NEDD4L: variants seen among roughly 807,000 people sequenced by gnomAD.
NEDD4L encodes the protein NEDD4 like E3 ubiquitin protein ligase, also known as E3 ubiquitin-protein ligase NEDD4-like.
NEDD4L carries 54 observed loss-of-function variants against 148.9 expected under a neutral mutation model. That is an observed-to-expected ratio of 0.36 (90% CI 0.29 to 0.45). The LOEUF (loss-of-function observed/expected upper bound fraction) is 0.45. Among genes scored for constraint, NEDD4L ranks in the 20% least tolerant of loss-of-function variants. NEDD4L has a pLI of 1.00. For synonymous variants in NEDD4L, 433 were observed against 440.7 expected (o/e 0.98, Z 0.22); for missense variants, 856 against 1,233.8 (o/e 0.69, Z 4.59).
chr18:58,338,549 C>G (rs1030485177), intron 13 of NEDD4L, among the ~76,000 whole-genome samples: 6 of 152,192 alleles, frequency 3.9e-5, no homozygotes, highest in Admixed American at 1.3e-4. Context: ...GCATTTTAAT[C>G]AAATTCAGCG....
chr18:58,225,587 C>G (rs1056444298), intron 2 of NEDD4L, among the ~76,000 whole-genome samples: 3 of 152,190 alleles, frequency 2.0e-5, no homozygotes, highest in African/African-American at 7.2e-5. Flanking sequence ...GCAAATGCAC[C>G]AGTTAGAGTC....
intron 5 of NEDD4L, among the ~76,000 whole-genome samples, chr18:58,271,531 A>G (rs142055795): frequency 6.6e-6 from 1 of 152,336 alleles, no homozygotes; most frequent in Non-Finnish European, 1.5e-5. Flanking sequence ...CAGTTGTTAT[A>G]ATTTAAAAGT....
rs576033983 is a variant in NEDD4L at position 58,190,971 on chromosome 18, C to T, written c.122+25110C>T. Among the ~76,000 whole-genome samples the T allele has an allele frequency of 2.7e-4, 41 of 152,148 alleles. 2 individuals are homozygous for T. The South Asian group carries it at 7.1e-3, about 26-fold the overall frequency. On this transcript the variant is annotated intron_variant, in intron 2 of 30. Transcript: ENST00000400345. ...ACAGATTTTTAAAAGGTTAGCCAGACGTGGTGGTGTGTGCCTGTAGCCCCA... is the reference window on the plus strand; with the variant it reads ...ACAGATTTTTAAAAGGTTAGCCAGATGTGGTGGTGTGTGCCTGTAGCCCCA...
At chr18:58,345,043 C>T (rs1405138183) in intron 16 of NEDD4L, among the ~76,000 whole-genome samples, 3 of 152,252 alleles carry the variant, frequency 2.0e-5, no homozygotes, top group African/African-American at 7.2e-5. Flanking sequence ...TTATTGCTTG[C>T]AACATTGCTG....
At chr18:58,116,303 A>T (rs1214269859) in intron 1 of NEDD4L, among the ~76,000 whole-genome samples, 1 of 152,240 alleles carries the variant, frequency 6.6e-6, no homozygotes, top group Non-Finnish European at 1.5e-5. Flanking sequence ...GGAAAATCAG[A>T]CTTATTAAAA....
chr18:58,365,340 G>GCAGT (rs138603020), intron 20 of NEDD4L, among the ~76,000 whole-genome samples: 4,055 of 152,244 alleles, frequency 0.027, 170 homozygotes, highest in African/African-American at 0.092. Context: ...CTCTCACATA[G>GCAGT]CAGTGTCTGC....
In NEDD4L at chr18:58,264,527, G is replaced by A. The variant is rs555507245; in HGVS notation, c.297+12473G>A. 2.0e-5 allele frequency among the ~76,000 whole-genome samples: 3 copies of A among 152,040 alleles called. No homozygotes were observed. The South Asian group carries it at 6.2e-4, about 32-fold the overall frequency. ...CATAATAGTTGTACCTGTTTATGGGGGTACATGTGATATCTTGTACCTGTT... is the reference window on the plus strand; with the variant it reads ...CATAATAGTTGTACCTGTTTATGGGAGTACATGTGATATCTTGTACCTGTT... On this transcript the variant is annotated intron_variant, in intron 5 of 30. Transcript: ENST00000400345.
At chr18:58,184,927 CAA>C (rs1001191802) in intron 2 of NEDD4L, among the ~76,000 whole-genome samples, 4 of 140,152 alleles carry the variant, frequency 2.9e-5, no homozygotes, top group Admixed American at 7.1e-5. Context: ...GACTCCATCT[CAA>C]AAAAAAAAAA....
intron 7 of NEDD4L, 25 bp downstream of exon 7, chr18:58,322,511 T>A: frequency 1.8e-6 from 1 of 570,316 alleles, no homozygotes; most frequent in Non-Finnish European, 3.4e-6. Context: ...TATGGGTGGG[T>A]GGGGATGCCT....
In NEDD4L at chr18:58,214,420, G is replaced by A. The variant is rs74727050; in HGVS notation, c.123-31007G>A. Among the ~76,000 whole-genome samples, 40 of 152,292 alleles carry A rather than the reference G, an allele frequency of 2.6e-4. No individual in the cohort carries two copies. The East Asian group carries it at 7.3e-3, about 28-fold the overall frequency. On this transcript the variant is annotated intron_variant, in intron 2 of 30. Coordinates refer to ENST00000400345, the MANE Select transcript of NEDD4L (RefSeq NM_001144967.3). ...AGAGATAGAAATGTACACTCAGAGG[G>A]CCACTTGGATGGAAACTTCTGTTGA... is the stretch of plus-strand genomic sequence containing the variant.
intron 1 of NEDD4L, among the ~76,000 whole-genome samples, chr18:58,069,885 C>G (rs1361529781): frequency 2.0e-5 from 3 of 152,148 alleles, no homozygotes; most frequent in Non-Finnish European, 4.4e-5. Flanking sequence ...GTGTTTTAAC[C>G]TGCTGCAATC....
Position 58,134,671 on chromosome 18 carries a change from C to CCAAATCAGTTAAA in NEDD4L, c.49-31117_49-31116insCAAATCAGTTAAA, listed in dbSNP as rs2032614355. ...ACAGGCGTGAGCCACCGCGCCCGGC[C>CCAAATCAGTTAAA]GCAATTCCATTTCTTAAGTGAAAAT... is the stretch of plus-strand genomic sequence containing the variant. On this transcript the variant is annotated intron_variant, in intron 1 of 30. Transcript: ENST00000400345. 8.3e-4 allele frequency among the ~76,000 whole-genome samples: 2 copies of CCAAATCAGTTAAA among 2,422 alleles called. 1 individual carries two copies. 1.6% of individuals were successfully genotyped at this position (2,422 alleles called of 152,430 possible).
chr18:58,054,090 C>CT (rs1324167420), intron 1 of NEDD4L, among the ~76,000 whole-genome samples: 1 of 152,092 alleles, frequency 6.6e-6, no homozygotes. Flanking sequence ...TGTATAAGTT[C>CT]TTTTTTTCTT....
At chr18:58,266,444 C>A (rs977349962) in intron 5 of NEDD4L, among the ~76,000 whole-genome samples, 3 of 152,112 alleles carry the variant, frequency 2.0e-5, no homozygotes, top group Non-Finnish European at 2.9e-5. Context: ...TGTAAGTTCT[C>A]ATATGTATAT....
chr18:58,343,517 G>A (rs1387182539), intron 16 of NEDD4L, among the ~76,000 whole-genome samples: 5 of 152,008 alleles, frequency 3.3e-5, no homozygotes, highest in Non-Finnish European at 7.4e-5. Flanking sequence ...ACCTTCTTTT[G>A]ATTTGTCGCT....
At chr18:58,274,096 G>A (rs527576156) in intron 5 of NEDD4L, among the ~76,000 whole-genome samples, 2 of 152,166 alleles carry the variant, frequency 1.3e-5, no homozygotes, top group South Asian at 2.1e-4. Flanking sequence ...CCACCTAAAG[G>A]CCCTGAAGTG....
intron 2 of NEDD4L, among the ~76,000 whole-genome samples, chr18:58,218,210 C>G (rs750618552): frequency 2.0e-5 from 3 of 152,110 alleles, no homozygotes; most frequent in Non-Finnish European, 4.4e-5. Flanking sequence ...TTGAAACAAG[C>G]TGATCCATTG....
chr18:58,371,993 C>G (rs1010275752), intron 23 of NEDD4L: 2 of 152,202 alleles, frequency 1.3e-5, no homozygotes, highest in African/African-American at 4.8e-5. Flanking sequence ...TGTGACTGAT[C>G]CTCTGGATTC....
intron 2 of NEDD4L, among the ~76,000 whole-genome samples, chr18:58,205,281 A>G (rs564238557): frequency 7.6e-4 from 116 of 152,358 alleles, no homozygotes; most frequent in African/African-American, 2.7e-3. Context: ...CAGTAAAGCC[A>G]TGAGCTAACA....
Sources: allele counts gnomAD v4.1 joint callset (sites outside exome capture counted in the v4.1 genomes callset), GRCh38; gene constraint gnomAD v4.1.1; transcripts MANE v1.5; gene names NCBI Gene and HGNC (gene_info 2026-07-23, HGNC 2026-07-21).